SP110: variants seen among roughly 807,000 people sequenced by gnomAD.
SP110 encodes the protein interferon-induced protein 41, 30kD.
In SP110, 62 loss-of-function variants were observed where a neutral mutation model predicts 92.7. That is an observed-to-expected ratio of 0.67 (90% CI 0.55 to 0.83). The LOEUF (loss-of-function observed/expected upper bound fraction) is 0.83, where lower values mean the gene tolerates loss of function less well. SP110 is among the 40% of genes least tolerant of loss of function. The pLI, the probability that SP110 is intolerant of heterozygous loss-of-function variation, is 0.00. For synonymous variants in SP110, 273 were observed against 305.3 expected, an observed-to-expected ratio of 0.89 and a Z score of 1.10; for missense variants, 793 against 863.9, an observed-to-expected ratio of 0.92 and a Z score of 1.03.
upstream of SP110, chr2:230,221,649 G>A: frequency 2.0e-6 from 3 of 1,481,498 alleles, no homozygotes; most frequent in Non-Finnish European, 2.7e-6. Context: ...TGATGCAGGG[G>A]ATGGCGGTGG....
upstream of SP110, among the ~76,000 whole-genome samples, chr2:230,221,275 C>T (rs1032394476): frequency 4.3e-5 from 6 of 138,668 alleles, no homozygotes; most frequent in East Asian, 2.2e-4. Flanking sequence ...AGCAAGACTC[C>T]ATCTCGAAAA....
Position 230,169,119 on chromosome 2 carries a change from C to T in SP110, c.*5G>A, listed in dbSNP as rs1171887902. 6.3e-7 allele frequency: 1 copy of T among 1,583,828 alleles called. No individual in the cohort carries two copies. The highest frequency in any genetic ancestry group is 8.7e-7 in the Non-Finnish European group (1 of 1,152,666). On this transcript the variant is annotated 3_prime_UTR_variant, in exon 19 of 19. Transcript: ENST00000258381. ...TGGGGATGCTTCAGTCTTTACAGAA[C>T]AGGGTCAAGGAAGAGTCCAGAAACC... is the stretch of plus-strand genomic sequence containing the variant.
chr2:230,208,141 T>C, intron 7 of SP110, 82 bp from the exon 8 acceptor site: 1 of 858,358 alleles, frequency 1.2e-6, no homozygotes, highest in Non-Finnish European at 1.9e-6. Context: ...CTTTTACTTT[T>C]GGTCTTCAAA....
chr2:230,177,707 C>A, intron 13 of SP110, 27 bp from the exon 14 acceptor site: 2 of 1,613,048 alleles, frequency 1.2e-6, no homozygotes, highest in South Asian at 2.2e-5. Flanking sequence ...ATTCTTGGAT[C>A]TACCCCCATC....
chr2:230,185,842 TC>T, intron 11 of SP110, 151 bp downstream of exon 11: 1 of 783,558 alleles, frequency 1.3e-6, no homozygotes, highest in South Asian at 1.4e-5. Flanking sequence ...CACTGTCACA[TC>T]AACAGATCCG....
chr2:230,219,568 A>C (rs1453222401), intron 1 of SP110: 1 of 152,228 alleles, frequency 6.6e-6, no homozygotes, highest in African/African-American at 2.4e-5. Flanking sequence ...CTAGTCATTT[A>C]CACAATGGAT....
chr2:230,201,163 C>T (rs1296324399), intron 9 of SP110, among the ~76,000 whole-genome samples, 198 bp from the exon 10 acceptor site: 1 of 152,112 alleles, frequency 6.6e-6, no homozygotes. Context: ...AGGAGCAGAC[C>T]GCAGTTGGTT....
At chr2:230,179,401 G>T (rs1440048043) in intron 12 of SP110, among the ~76,000 whole-genome samples, 3 of 150,864 alleles carry the variant, frequency 2.0e-5, no homozygotes, top group Non-Finnish European at 4.4e-5. Flanking sequence ...TGCATGGAGT[G>T]GCCAGCTCCA....
At chr2:230,186,215 G>A in intron 10 of SP110, 72 bp from the exon 11 acceptor site, 1 of 1,433,036 alleles carries the variant, frequency 7.0e-7, no homozygotes, top group South Asian at 1.2e-5. Flanking sequence ...CCTTTCAGGA[G>A]TTATCTTGCC....
intron 18 of SP110, 54 bp downstream of exon 18, chr2:230,170,567 G>T: frequency 6.2e-6 from 10 of 1,606,704 alleles, no homozygotes; most frequent in Non-Finnish European, 8.5e-6. Flanking sequence ...TGCTGTCCCA[G>T]AAATTAGGGG....
chr2:230,178,385 C>G, intron 12 of SP110, 130 bp from the exon 13 acceptor site: 2 of 671,602 alleles, frequency 3.0e-6, no homozygotes, highest in Non-Finnish European at 2.7e-6. Flanking sequence ...TGCAGGAACT[C>G]TTTCATCTCG....
chr2:230,199,148 ATTTTT>A (rs113583785), intron 10 of SP110, among the ~76,000 whole-genome samples: 1 of 139,114 alleles, frequency 7.2e-6, no homozygotes, highest in African/African-American at 2.8e-5. Flanking sequence ...TATTATTATT[ATTTTT>A]TTTTTTTTTT....
chr2:230,199,997 T>C (rs1377315838), intron 10 of SP110, among the ~76,000 whole-genome samples: 1 of 152,176 alleles, frequency 6.6e-6, no homozygotes, highest in Non-Finnish European at 1.5e-5. Context: ...TTTCCTCATC[T>C]GCTAAATTGG....
chr2:230,217,560 T>C (rs1441182511), intron 1 of SP110, among the ~76,000 whole-genome samples: 1 of 152,362 alleles, frequency 6.6e-6, no homozygotes, highest in South Asian at 2.1e-4. Flanking sequence ...AAGGGTTTCA[T>C]ATGCAGTAAC....
chr2:230,181,875 A>G (rs1338757594), intron 12 of SP110, among the ~76,000 whole-genome samples: 1 of 152,262 alleles, frequency 6.6e-6, no homozygotes, highest in Non-Finnish European at 1.5e-5. Context: ...TAGTTTAACC[A>G]TTGTGAAAGA....
rs915319024 is a variant in SP110 at position 230,215,010 on chromosome 2, T to C, written c.256A>G (p.Ser86Gly). The change falls in exon 3 of 19, where the codon AGT (serine) becomes GGT (glycine). Residue 86 changes from serine to glycine, a missense_variant. Ser to Gly is a moderately conservative substitution (Grantham distance 56). Coordinates refer to ENST00000258381, the MANE Select transcript of SP110 (RefSeq NM_080424.4). ...GGATATTCACGCAGGTTAATTTGAC[T>C]GAACAATGTCACCAGAAGAGACAGG... ...FNLSLLVTLFSQINLREYPNL... is the reference protein window; with the variant it reads ...FNLSLLVTLFGQINLREYPNL... 26 of 1,613,840 alleles carry C rather than the reference T, an allele frequency of 1.6e-5. No homozygotes were observed. The highest frequency in any genetic ancestry group is 2.2e-5 in the Non-Finnish European group (26 of 1,179,784).
At chr2:230,176,751 G>A (rs778470866) in intron 14 of SP110, 2 of 1,613,436 alleles carry the variant, frequency 1.2e-6, no homozygotes, top group South Asian at 2.2e-5. Context: ...GTCAATGAAT[G>A]AGGTTATTCT....
chr2:230,191,239 G>A (rs1188536572), intron 10 of SP110, among the ~76,000 whole-genome samples: 2 of 151,766 alleles, frequency 1.3e-5, no homozygotes. Context: ...AGCTAGAGAG[G>A]CAAGAGCAAG....
intron 1 of SP110, among the ~76,000 whole-genome samples, chr2:230,217,692 G>A (rs891586708): frequency 6.6e-6 from 1 of 152,290 alleles, no homozygotes; most frequent in African/African-American, 2.4e-5. Context: ...ACTAGAGAGT[G>A]GAAGAGCTGG....
Sources: allele counts gnomAD v4.1 joint callset (sites outside exome capture counted in the v4.1 genomes callset), GRCh38; gene constraint gnomAD v4.1.1; transcripts MANE v1.5; gene names NCBI Gene and HGNC (gene_info 2026-07-23, HGNC 2026-07-21).